Variants in SEC16A observed in about 807,000 individuals in gnomAD.
SEC16A encodes the protein protein transport protein Sec16A.
A neutral mutation model predicts 221.9 loss-of-function variants in SEC16A; 110 were observed. The observed-to-expected ratio is 0.50, with a 90% confidence interval of 0.42 to 0.58. The LOEUF (loss-of-function observed/expected upper bound fraction) is 0.58. Ranked by LOEUF, SEC16A falls within the 20% of genes least tolerant of loss-of-function variation. The pLI is 0.00. For missense variants in SEC16A, 3,165 were observed against 3,097.8 expected (o/e 1.02, Z -0.52); for synonymous variants, 1,393 against 1,257.7 (o/e 1.11, Z -2.28).
Position 136,447,440 on chromosome 9 carries a change from C to T in SEC16A, c.6560-76G>A, listed in dbSNP as rs1302230302. The stretch of plus-strand genomic sequence containing the variant: ...GCTTCCAAATGCTCTGCGCTCACTG[C>T]GTCAGAGGAAAAGCACGCAGGGACG... On this transcript the variant is annotated intron_variant, in intron 26 of 31. Transcript: ENST00000684901. This position sits in a 1 kb window ranked among gnomAD's most constrained non-coding sequence, Gnocchi z 5.5. 5.7e-6 allele frequency: 9 copies of T among 1,571,378 alleles called. No individual in the cohort carries two copies. Among genetic ancestry groups the T allele is most frequent in the South Asian group, 2.3e-5 (2 of 86,086 alleles).
intron 4 of SEC16A, 58 bp from the exon 5 acceptor site, chr9:136,468,570 T>A: frequency 8.9e-7 from 1 of 1,120,012 alleles, no homozygotes; most frequent in Non-Finnish European, 1.4e-6. Context: ...AAGTGTGACA[T>A]CAGCCAATAC....
At position 136,447,239 on chromosome 9, in the gene SEC16A, C is replaced by T. The variant is rs531904062; in HGVS notation, c.6685G>A (p.Val2229Met). The change falls in exon 27 of 32, where the codon GTG (valine) becomes ATG (methionine). Residue 2229 changes from valine to methionine, a missense_variant. Around this residue, in one of 3 missense-constraint regions of SEC16A, gnomAD observed 1,088 missense variants for 1,089.6 expected, o/e 1.00. Transcript: ENST00000684901. The surrounding 1 kb of genome is among the most constrained non-coding windows in gnomAD (Gnocchi z 5.5). Reference protein sequence around the residue: ...APLPIPSNLFVPTPDAEEPQL... With the variant: ...APLPIPSNLFMPTPDAEEPQL... ...TCGTGCTACCTACCTGGGGTTGGCA[C>T]GAACAAGTTAGAAGGAATTGGGAGT... The T allele has an allele frequency of 1.6e-5, 25 of 1,594,940 alleles. No homozygotes were observed. In the South Asian group the frequency reaches 2.2e-4, roughly 14 times the overall value.
intron 3 of SEC16A, among the ~76,000 whole-genome samples, chr9:136,473,195 G>C (rs78764197): frequency 0.032 from 4,822 of 152,342 alleles, 191 homozygotes; most frequent in African/African-American, 0.089. Flanking sequence ...CCTTCTGACT[G>C]CAAGGCCTTC....
rs756821058 is a variant in SEC16A, at chr9:136,459,094, G to A, written c.5409+40C>T. ...AAAAGCTTGTTAGCACTGAGTGCCT[G>A]CCCAGCCATGACAGCTGCAGGCTGG... On this transcript the variant is annotated intron_variant, in intron 17 of 31. Transcript: ENST00000684901. This position sits in a 1 kb window ranked among gnomAD's most constrained non-coding sequence, Gnocchi z 6.1. 6.8e-7 allele frequency: 1 copy of A among 1,465,342 alleles called. No individual in the cohort carries two copies. The highest frequency in any genetic ancestry group is 1.2e-5 in the South Asian group (1 of 83,620). The allele number at this position is 1,465,342 out of a possible 1,614,324, so 90.8% of individuals were successfully genotyped here. A position where few individuals can be genotyped will look rare whatever the true frequency, so the allele number is the denominator to read the frequency against.
At chr9:136,463,411 A>G in intron 11 of SEC16A, 52 bp downstream of exon 11, 1 of 1,594,368 alleles carries the variant, frequency 6.3e-7, no homozygotes, top group Non-Finnish European at 8.6e-7. Context: ...CATTCCCAAG[A>G]CGAAATGAAG....
In SEC16A at chr9:136,464,524, G is replaced by A. The variant is rs760019478; in HGVS notation, c.4342C>T (p.Pro1448Ser). 2 of 1,605,826 alleles carry A rather than the reference G, an allele frequency of 1.2e-6. No homozygotes were observed. The highest frequency in any genetic ancestry group is 1.7e-6 in the Non-Finnish European group (2 of 1,173,378). Reference protein sequence around the residue: ...RPTSPEKFSVPHVCARFGPGG... With the variant: ...RPTSPEKFSVSHVCARFGPGG... ...GGGCCAAACCTGGCACAGACATGAGGCACTGAAAATTTTTCAGGAGAAGTT... is the reference window on the plus strand; with the variant it reads ...GGGCCAAACCTGGCACAGACATGAGACACTGAAAATTTTTCAGGAGAAGTT... Residue 1448 changes from proline (P) to serine (S), a missense_variant, in exon 9 of 32, where the codon CCT (proline) becomes TCT (serine). Pro to Ser is a moderately conservative substitution (Grantham distance 74, BLOSUM62 -1). Coordinates refer to ENST00000684901, the MANE Select transcript of SEC16A (RefSeq NM_014866.2).
At position 136,459,975 on chromosome 9, in the gene SEC16A, C is replaced by A. The variant is rs775319509; in HGVS notation, c.5073+67G>T. The A allele has an allele frequency of 9.8e-6, 15 of 1,535,576 alleles. No individual in the cohort carries two copies. Among genetic ancestry groups the A allele is most frequent in the Non-Finnish European group, 1.2e-5 (14 of 1,125,248 alleles). On this transcript the variant is annotated intron_variant, in intron 14 of 31. Coordinates refer to ENST00000684901, the MANE Select transcript of SEC16A (RefSeq NM_014866.2). This position sits in a 1 kb window ranked among gnomAD's most constrained non-coding sequence, Gnocchi z 6.1. Reference sequence around the variant, plus strand: ...CCAGGCACCTCACGGCCTGTGACAGCGTCACCCACGAGCAAACTCCACACA... The same window carrying A: ...CCAGGCACCTCACGGCCTGTGACAGAGTCACCCACGAGCAAACTCCACACA...
chr9:136,458,294 C>T (rs990991607), intron 17 of SEC16A, among the ~76,000 whole-genome samples: 7 of 152,030 alleles, frequency 4.6e-5, no homozygotes, highest in African/African-American at 1.4e-4. Context: ...ATAGACACCA[C>T]CCCCACACTG....
Position 136,468,438 on chromosome 9 carries a change from T to A in SEC16A, c.3779A>T (p.Tyr1260Phe). The change falls in exon 5 of 32, where the codon TAC becomes TTC. Residue 1260 changes from tyrosine to phenylalanine, a missense_variant. Physicochemically the swap from Tyr to Phe is conservative, Grantham distance 22. This residue lies in a region of SEC16A where 2,030 missense variants were observed against 1,923.1 expected (regional missense o/e 1.06). Coordinates refer to ENST00000684901, the MANE Select transcript of SEC16A (RefSeq NM_014866.2). ...ACCTCCATAATCGTACTGGCTGGAG[T>A]AATAGCTTGCATAGTAATCGCTCTG... is the stretch of plus-strand genomic sequence containing the variant. ...SSQSDYYASY[Y>F]SSQYDYGDPG... 2 of 1,612,420 alleles carry A rather than the reference T, an allele frequency of 1.2e-6. No individual in the cohort carries two copies. Among genetic ancestry groups the A allele is most frequent in the Non-Finnish European group, 1.7e-6 (2 of 1,178,636 alleles).
At chr9:136,462,086 C>G (rs1839558055) in intron 12 of SEC16A, among the ~76,000 whole-genome samples, 3 of 151,800 alleles carry the variant, frequency 2.0e-5, no homozygotes, top group African/African-American at 7.3e-5. Flanking sequence ...CCAGCCTGGG[C>G]AAGAGTGAGA....
In SEC16A at chr9:136,446,907, C is replaced by G. The variant is rs546048494; in HGVS notation, c.6740G>C (p.Gly2247Ala). ...PQLPDGTGRE[G>A]PAAARGLANP... ...GGCCAGGCCCCTAGCTGCTGCAGGCCCTTCCCTGCCAGTCCCGTCTGGAAG... is the reference window on the plus strand; with the variant it reads ...GGCCAGGCCCCTAGCTGCTGCAGGCGCTTCCCTGCCAGTCCCGTCTGGAAG... The change falls in exon 28 of 32, where the codon GGG (glycine) becomes GCG (alanine). Residue 2247 changes from glycine (G) to alanine (A), a missense_variant. By Grantham distance (60) the Gly-to-Ala change is moderately conservative. Around this residue, in one of 3 missense-constraint regions of SEC16A, gnomAD observed 1,088 missense variants for 1,089.6 expected, o/e 1.00. Coordinates refer to ENST00000684901, the MANE Select transcript of SEC16A (RefSeq NM_014866.2). 1 of 1,613,458 alleles carries G rather than the reference C, an allele frequency of 6.2e-7. No homozygotes were observed. Among genetic ancestry groups the G allele is most frequent in the Non-Finnish European group, 8.5e-7 (1 of 1,179,820 alleles).
intron 18 of SEC16A, among the ~76,000 whole-genome samples, chr9:136,456,796 G>A (rs1367938032): frequency 3.3e-5 from 5 of 152,230 alleles, no homozygotes; most frequent in Admixed American, 1.3e-4. Context: ...GCCTGCAGCA[G>A]TACAGCCAGG....
At position 136,459,190 on chromosome 9, in the gene SEC16A, C is replaced by A; in HGVS notation, c.5353G>T (p.Ala1785Ser). ...CCCAGGGACTGGGCGTACTCATAGG[C>A]TTCCGTCCTCTGGATTGCTTCGTTG... ...ATNEAIQRTEAYEYAQSLGAE... is the reference protein window; with the variant it reads ...ATNEAIQRTESYEYAQSLGAE... The change falls in exon 17 of 32, where the codon GCC (alanine) becomes TCC (serine). Residue 1785 changes from alanine (A) to serine (S), a missense_variant. Around this residue, in one of 3 missense-constraint regions of SEC16A, gnomAD observed 1,088 missense variants for 1,089.6 expected, o/e 1.00. Transcript: ENST00000684901. The surrounding 1 kb of genome is among the most constrained non-coding windows in gnomAD (Gnocchi z 6.1). 6.2e-7 allele frequency: 1 copy of A among 1,613,918 alleles called. No homozygotes were observed. Among genetic ancestry groups the A allele is most frequent in the Non-Finnish European group, 8.5e-7 (1 of 1,179,796 alleles).
rs556778009 is a variant in SEC16A, at chr9:136,474,481, C to A, written c.3135G>T (p.Thr1045=). The A allele has an allele frequency of 1.9e-6, 3 of 1,613,086 alleles. No individual in the cohort carries two copies. Residue 1045 remains threonine (T), a synonymous_variant, in exon 3 of 32, where the codon ACG becomes ACT. Transcript: ENST00000684901. Reference sequence around the variant, plus strand: ...GGCCAGGCTGGCCCTGGGCATCTTTCGTGACCTGCTGATAAAAACGGTCAA... The same window carrying A: ...GGCCAGGCTGGCCCTGGGCATCTTTAGTGACCTGCTGATAAAAACGGTCAA... The part of the protein sequence containing the change: ...PNLDRFYQQV[T]KDAQGQPGLE...
chr9:136,473,044 T>A (rs1426857123), intron 3 of SEC16A, among the ~76,000 whole-genome samples: 1 of 152,228 alleles, frequency 6.6e-6, no homozygotes, highest in East Asian at 1.9e-4. Flanking sequence ...TTCTGGAACC[T>A]ACACAGGTCT....
chr9:136,443,977 C>T (rs1031569142), intron 30 of SEC16A, 77 bp from the exon 31 acceptor site: 5 of 986,824 alleles, frequency 5.1e-6, no homozygotes, highest in East Asian at 2.6e-5. Context: ...ATACAGACAC[C>T]GCTTCTGGGT....
At chr9:136,464,600 T>G in intron 8 of SEC16A, 38 bp from the exon 9 acceptor site, 1 of 1,558,514 alleles carries the variant, frequency 6.4e-7, no homozygotes, top group Non-Finnish European at 8.8e-7. Context: ...ACAATCAGCT[T>G]GTCACTGATG....
rs2131851225 is a variant in SEC16A at position 136,447,333 on chromosome 9, C to T, written c.6591G>A (p.Leu2197=). Residue 2197 remains leucine (L), a synonymous_variant, in exon 27 of 32, where the codon CTG becomes CTA. Transcript: ENST00000684901. The surrounding 1 kb of genome is among the most constrained non-coding windows in gnomAD (Gnocchi z 5.5). ...CGCTCCGCTGGGTCCCGCTTGGGTTCAGGACGTCAACGTAGCGAGCTCTGG... is the reference window on the plus strand; with the variant it reads ...CGCTCCGCTGGGTCCCGCTTGGGTTTAGGACGTCAACGTAGCGAGCTCTGG... ...AGTRARYVDV[L]NPSGTQRSEP... is the part of the protein sequence containing the mutation. The T allele has an allele frequency of 1.9e-6, 3 of 1,598,548 alleles. No homozygotes were observed. Among genetic ancestry groups the T allele is most frequent in the Non-Finnish European group, 2.6e-6 (3 of 1,173,322 alleles).
chr9:136,482,966 G>A lies in SEC16A; in HGVS notation c.-220C>T, dbSNP rs988414109. The A allele has an allele frequency of 8.1e-5, 80 of 984,984 alleles. No individual in the cohort carries two copies. Among genetic ancestry groups the A allele is most frequent in the South Asian group, 7.1e-4 (15 of 21,276 alleles). The allele number at this position is 984,984 out of a possible 1,614,324, so 61.0% of individuals were successfully genotyped here. On this transcript the variant is annotated 5_prime_UTR_variant, in exon 1 of 32. Transcript: ENST00000684901. ...CGCGGCTGAGACCGATCCCTCAGGA[G>A]CCGCGGGCGAAAGCCCACCCGACGC... is the stretch of plus-strand genomic sequence containing the variant.
Sources: gnomAD v4.1 joint callset for allele counts (sites outside exome capture counted in the v4.1 genomes callset) on GRCh38, gnomAD v4.1.1 for gene constraint, gnomAD v4.1.1 regional missense constraint, Gnocchi (gnomAD v3.1) non-coding constraint, MANE v1.5 for transcripts, NCBI Gene and HGNC (gene_info 2026-07-23, HGNC 2026-07-21) for gene names.